LPP: variants seen among roughly 807,000 people sequenced by gnomAD.
LPP encodes LIM domain containing preferred translocation partner in lipoma, also known as lipoma-preferred partner.
Under a neutral mutation model 60.4 loss-of-function variants are expected in LPP, and 38 were observed. That is an observed-to-expected ratio of 0.63 (90% CI 0.49 to 0.83). LPP has a LOEUF of 0.83. Among genes scored for constraint, LPP ranks in the 40% least tolerant of loss-of-function variants. The pLI is 0.00. For synonymous variants in LPP, 328 were observed against 290.8 expected (o/e 1.13, Z -1.30); for missense variants, 902 against 783.6 (o/e 1.15, Z -1.80).
intron 4 of LPP, among the ~76,000 whole-genome samples, chr3:188,438,382 C>T (rs976035579): frequency 1.3e-5 from 2 of 151,774 alleles, no homozygotes; most frequent in African/African-American, 2.4e-5. Flanking sequence ...CACACACACA[C>T]ACACACACAC....
At chr3:188,782,455 T>C (rs1398685282) in intron 9 of LPP, among the ~76,000 whole-genome samples, 2 of 152,178 alleles carry the variant, frequency 1.3e-5, no homozygotes. Context: ...AGGAGGTTAA[T>C]AAAAGGGAAT....
At position 188,182,771 on chromosome 3, in the gene LPP, G is replaced by C. The variant is rs969974638; in HGVS notation, c.-190+28519G>C. ...ACATATATGTACATATATTATATATGTGCATATATAATATATGTACATATA... is the reference window on the plus strand; with the variant it reads ...ACATATATGTACATATATTATATATCTGCATATATAATATATGTACATATA... On this transcript the variant is annotated intron_variant, in intron 1 of 11. Transcript: ENST00000617246. The surrounding 1 kb of genome is among the most constrained non-coding windows in gnomAD (Gnocchi z 4.4). Among the ~76,000 whole-genome samples, 1 of 148,790 alleles carries C rather than the reference G, an allele frequency of 6.7e-6. No individual in the cohort carries two copies. The highest frequency in any genetic ancestry group is 2.1e-4 in the South Asian group (1 of 4,770).
At chr3:188,252,204 T>C (rs1160533997) in intron 2 of LPP, among the ~76,000 whole-genome samples, 1 of 136,904 alleles carries the variant, frequency 7.3e-6, no homozygotes, top group Non-Finnish European at 1.6e-5. Flanking sequence ...TATATATATA[T>C]ATGTTTTTAT....
chr3:188,316,669 T>C (rs75329373), intron 2 of LPP, among the ~76,000 whole-genome samples: 2,565 of 152,294 alleles, frequency 0.017, 78 homozygotes, highest in African/African-American at 0.059. Context: ...CCCCTACTGA[T>C]GGCCACTTTT....
intron 2 of LPP, among the ~76,000 whole-genome samples, chr3:188,243,214 A>AT (rs1725615312): frequency 6.6e-6 from 1 of 152,086 alleles, no homozygotes; most frequent in Admixed American, 6.6e-5. Context: ...TAGAAACTTG[A>AT]TTTTTTCTGT....
At chr3:188,412,080 G>A (rs190387596) in intron 4 of LPP, among the ~76,000 whole-genome samples, 48 of 151,800 alleles carry the variant, frequency 3.2e-4, no homozygotes, top group African/African-American at 4.3e-4. Flanking sequence ...TAAAGTTCAC[G>A]TTTGTGAAGC....
intron 9 of LPP, among the ~76,000 whole-genome samples, chr3:188,791,907 G>T (rs1475397518): frequency 1.3e-5 from 2 of 152,112 alleles, no homozygotes; most frequent in Non-Finnish European, 2.9e-5. Flanking sequence ...TCCCCCTGTT[G>T]TGTTGAGGAC....
intron 9 of LPP, among the ~76,000 whole-genome samples, chr3:188,796,105 A>G (rs961449801): frequency 6.6e-6 from 1 of 152,220 alleles, no homozygotes; most frequent in African/African-American, 2.4e-5. Context: ...AGGGAGATGG[A>G]CAGAGTGTTT....
intron 2 of LPP, among the ~76,000 whole-genome samples, chr3:188,245,416 G>T (rs1051078494): frequency 2.6e-5 from 4 of 152,206 alleles, no homozygotes; most frequent in Admixed American, 6.5e-5. Flanking sequence ...CAGTTTGTGG[G>T]CAGGGATGGT....
At chr3:188,725,951 A>G (rs1718227112) in intron 8 of LPP, among the ~76,000 whole-genome samples, 1 of 152,176 alleles carries the variant, frequency 6.6e-6, no homozygotes, top group African/African-American at 2.4e-5. Flanking sequence ...ACCAACACCA[A>G]AAAAAGTGCA....
chr3:188,166,636 G>T (rs183487705), intron 1 of LPP, among the ~76,000 whole-genome samples: 1 of 152,314 alleles, frequency 6.6e-6, no homozygotes, highest in Non-Finnish European at 1.5e-5. Context: ...CAGAACCCAA[G>T]CAAGTTAAAC....
chr3:188,633,561 C>T (rs766750339), intron 7 of LPP, among the ~76,000 whole-genome samples: 3 of 152,114 alleles, frequency 2.0e-5, no homozygotes, highest in Non-Finnish European at 4.4e-5. Flanking sequence ...ACACGCTCAT[C>T]TTTTCTTCCC....
chr3:188,205,927 A>G (rs1711005), intron 1 of LPP, among the ~76,000 whole-genome samples: 138,936 of 152,290 alleles, frequency 0.91, 63,634 homozygotes, highest in East Asian at 1. Context: ...TGTAAGCTAA[A>G]CATTGTCAAA....
intron 9 of LPP, among the ~76,000 whole-genome samples, chr3:188,778,715 A>G (rs900740527): frequency 2.0e-5 from 3 of 152,158 alleles, no homozygotes; most frequent in East Asian, 3.9e-4. Flanking sequence ...CAACCACCCC[A>G]TGTGCACATA....
intron 11 of LPP, 141 bp downstream of exon 11, chr3:188,872,904 A>G: frequency 9.3e-7 from 1 of 1,072,908 alleles, no homozygotes; most frequent in South Asian, 1.6e-5. Context: ...TTTAGATTTG[A>G]CACTAGTATT....
intron 4 of LPP, among the ~76,000 whole-genome samples, chr3:188,480,276 C>G (rs1804407169): frequency 6.6e-6 from 1 of 152,128 alleles, no homozygotes; most frequent in Non-Finnish European, 1.5e-5. Flanking sequence ...TTGATTTGTC[C>G]AACTCCTCAT....
chr3:188,167,483 G>A (rs1720317107), intron 1 of LPP, among the ~76,000 whole-genome samples: 3 of 137,486 alleles, frequency 2.2e-5, no homozygotes, highest in Non-Finnish European at 3.0e-5. Context: ...CCTGGGCAAC[G>A]GAGCAAGACT....
At chr3:188,684,746 A>AC (rs906473462) in intron 7 of LPP, among the ~76,000 whole-genome samples, 2 of 151,728 alleles carry the variant, frequency 1.3e-5, no homozygotes, top group East Asian at 1.9e-4. Flanking sequence ...AAAAAAAAAA[A>AC]AACAAAATTT....
At chr3:188,329,541 C>T (rs531755668) in intron 2 of LPP, among the ~76,000 whole-genome samples, 64 of 151,824 alleles carry the variant, frequency 4.2e-4, no homozygotes, top group Admixed American at 7.3e-4. Context: ...CCTGTCTGTC[C>T]TTGAAACTTC....
Sources: gnomAD v4.1 joint callset for allele counts (sites outside exome capture counted in the v4.1 genomes callset) on GRCh38, gnomAD v4.1.1 for gene constraint, Gnocchi (gnomAD v3.1) non-coding constraint, MANE v1.5 for transcripts, NCBI Gene and HGNC (gene_info 2026-07-23, HGNC 2026-07-21) for gene names.